ZBTB16: variants seen among roughly 807,000 people sequenced by gnomAD.
The protein encoded by ZBTB16 is zinc finger and BTB domain containing 16.
Under a neutral mutation model 56.8 loss-of-function variants are expected in ZBTB16, and 8 were observed. The ratio of observed to expected loss-of-function variants is 0.14; its 90% CI spans 0.08 to 0.25. The LOEUF (loss-of-function observed/expected upper bound fraction) is 0.25, where lower values mean the gene tolerates loss of function less well. Among genes scored for constraint, ZBTB16 ranks in the 10% least tolerant of loss-of-function variants. The probability of loss-of-function intolerance (pLI) is 1.00; values close to 1 mark genes in which losing one functional copy is unlikely to be tolerated. For missense variants in ZBTB16, 625 were observed against 903.0 expected (o/e 0.69, Z 3.95); for synonymous variants, 363 against 368.5 (o/e 0.98, Z 0.17).
intron 4 of ZBTB16, chr11:114,209,640 T>G: frequency 2.0e-6 from 2 of 985,396 alleles, no homozygotes; most frequent in Non-Finnish European, 2.4e-6. Flanking sequence ...GTGGTGACTA[T>G]TCCCCCAACC....
chr11:114,239,226 T>A (rs1288616904), intron 4 of ZBTB16, among the ~76,000 whole-genome samples: 4 of 152,214 alleles, frequency 2.6e-5, no homozygotes, highest in Non-Finnish European at 5.9e-5. Context: ...TGAGATGTCC[T>A]ATTGGGAATG....
At chr11:114,083,448 C>A (rs928268269) in intron 2 of ZBTB16, among the ~76,000 whole-genome samples, 10 of 152,180 alleles carry the variant, frequency 6.6e-5, no homozygotes, top group Admixed American at 2.0e-4. Context: ...ACTTGTCTCA[C>A]GTCCCAGTCG....
At chr11:114,235,638 C>CT (rs1372577614) in intron 4 of ZBTB16, among the ~76,000 whole-genome samples, 1 of 20,938 alleles carries the variant, frequency 4.8e-5, no homozygotes, top group Non-Finnish European at 1.5e-4. Context: ...TCCTTTCTTT[C>CT]TTTCTTTCTT....
chr11:114,242,256 G>T lies in ZBTB16; in HGVS notation c.1543G>T (p.Val515Leu). ...LQQHMEVHAG[V>L]RSYICSECNR... is the part of the protein sequence containing the mutation. ...GCAGCACATGGAGGTCCACGCGGGCGTGCGCAGCTACATCTGCAGTGAGTG... is the reference window on the plus strand; with the variant it reads ...GCAGCACATGGAGGTCCACGCGGGCTTGCGCAGCTACATCTGCAGTGAGTG... Residue 515 changes from valine (V) to leucine (L), a missense_variant, in exon 5 of 7, where the codon GTG becomes TTG. This residue lies in a region of ZBTB16 where 140 missense variants were observed against 214.8 expected (regional missense o/e 0.65). Coordinates refer to ENST00000335953, the MANE Select transcript of ZBTB16 (RefSeq NM_006006.6). 6.2e-7 allele frequency: 1 copy of T among 1,614,056 alleles called. No homozygotes were observed. Among genetic ancestry groups the T allele is most frequent in the East Asian group, 2.2e-5 (1 of 44,886 alleles).
In ZBTB16 at chr11:114,092,170, G is replaced by T. The variant is rs182933965; in HGVS notation, c.1268+27602G>T. ...ACGGCCTCACTGAAACAGGAGACCC[G>T]AGAGGCTCCGGTGAAAGGGCACTGT... On this transcript the variant is annotated intron_variant, in intron 2 of 6. Transcript: ENST00000335953. 2.6e-5 allele frequency among the ~76,000 whole-genome samples: 4 copies of T among 152,312 alleles called. No individual in the cohort carries two copies. In the East Asian group the frequency reaches 7.7e-4, roughly 29 times the overall value.
At chr11:114,062,259 G>A (rs984251981) in intron 1 of ZBTB16, among the ~76,000 whole-genome samples, 1 of 151,908 alleles carries the variant, frequency 6.6e-6, no homozygotes, top group Non-Finnish European at 1.5e-5. Flanking sequence ...GGGTGCCACC[G>A]CGCCTGGCTA....
At chr11:114,132,900 A>G (rs1444731347) in intron 2 of ZBTB16, among the ~76,000 whole-genome samples, 1 of 152,058 alleles carries the variant, frequency 6.6e-6, no homozygotes, top group Non-Finnish European at 1.5e-5. Context: ...TTTCTCTGAG[A>G]TAGAAGTGTA....
At chr11:114,140,943 G>A (rs10891630) in intron 2 of ZBTB16, among the ~76,000 whole-genome samples, 58,860 of 151,896 alleles carry the variant, frequency 0.39, 11,553 homozygotes, top group East Asian at 0.47. Flanking sequence ...TGAGCCTCCC[G>A]CGCCCAGCCA....
intron 3 of ZBTB16, among the ~76,000 whole-genome samples, chr11:114,183,643 T>C (rs544465258): frequency 3.9e-5 from 6 of 152,280 alleles, no homozygotes; most frequent in African/African-American, 1.4e-4. Context: ...TGAGAGCGGA[T>C]AGAACCCAAG....
At chr11:114,241,890 G>A (rs981648917) in intron 4 of ZBTB16, among the ~76,000 whole-genome samples, 4 of 152,020 alleles carry the variant, frequency 2.6e-5, no homozygotes, top group Admixed American at 6.6e-5. Flanking sequence ...CATACCACCC[G>A]ACACAGTTGC....
intron 4 of ZBTB16, among the ~76,000 whole-genome samples, chr11:114,192,468 AGT>A (rs2135077576): frequency 6.6e-6 from 1 of 152,336 alleles, no homozygotes; most frequent in Admixed American, 6.5e-5. Flanking sequence ...AGGGGACTAA[AGT>A]GGAAGAAGGA....
intron 2 of ZBTB16, among the ~76,000 whole-genome samples, chr11:114,090,354 A>T (rs939990461): frequency 6.6e-6 from 1 of 152,172 alleles, no homozygotes; most frequent in African/African-American, 2.4e-5. Flanking sequence ...TGGGGGAAGG[A>T]TGGAGGAAGA....
rs78019164 is a variant in ZBTB16 at position 114,087,137 on chromosome 11, G to A, written c.1268+22569G>A. On this transcript the variant is annotated intron_variant, in intron 2 of 6. Transcript: ENST00000335953. ...GAGTCTGTTTCATCATCTGCAAAATGCTGGTAGTTTCTCTTCTCACGGGAA... is the reference window on the plus strand; with the variant it reads ...GAGTCTGTTTCATCATCTGCAAAATACTGGTAGTTTCTCTTCTCACGGGAA... 2.6e-4 allele frequency among the ~76,000 whole-genome samples: 40 copies of A among 152,292 alleles called. No individual in the cohort carries two copies. In the East Asian group the frequency reaches 7.4e-3, roughly 28 times the overall value.
chr11:114,151,756 C>T (rs1430978885), intron 2 of ZBTB16, among the ~76,000 whole-genome samples: 4 of 152,184 alleles, frequency 2.6e-5, no homozygotes, highest in Non-Finnish European at 2.9e-5. Context: ...GTGAGTTCTT[C>T]GCATAGCCTT....
At position 114,230,496 on chromosome 11, in the gene ZBTB16, G is replaced by T. The variant is rs997331905; in HGVS notation, c.1454-11671G>T. On this transcript the variant is annotated intron_variant, in intron 4 of 6. Coordinates refer to ENST00000335953, the MANE Select transcript of ZBTB16 (RefSeq NM_006006.6). Reference sequence around the variant, plus strand: ...GTGTGCCGTACAGTACGGGAAGGCCGCATGGTGTCTCTGATATTGATAGCC... The same window carrying T: ...GTGTGCCGTACAGTACGGGAAGGCCTCATGGTGTCTCTGATATTGATAGCC... 5.3e-5 allele frequency among the ~76,000 whole-genome samples: 8 copies of T among 152,146 alleles called. No individual in the cohort carries two copies. In the South Asian group the frequency reaches 8.3e-4, roughly 16 times the overall value.
chr11:114,159,128 C>T (rs190137754), intron 3 of ZBTB16, among the ~76,000 whole-genome samples: 59 of 152,286 alleles, frequency 3.9e-4, no homozygotes, highest in African/African-American at 1.4e-3. Flanking sequence ...TCAGGTGGGC[C>T]CGGTGTCCCC....
At chr11:114,099,572 C>T (rs1353863355) in intron 2 of ZBTB16, among the ~76,000 whole-genome samples, 1 of 152,068 alleles carries the variant, frequency 6.6e-6, no homozygotes, top group Non-Finnish European at 1.5e-5. Context: ...ACTGTAGTCT[C>T]AAGGCTTAGC....
chr11:114,177,269 C>T (rs915430304), intron 3 of ZBTB16, among the ~76,000 whole-genome samples: 2 of 152,184 alleles, frequency 1.3e-5, no homozygotes, highest in Non-Finnish European at 2.9e-5. Flanking sequence ...AAAGCCGTCT[C>T]TGGATTTGAG....
At chr11:114,181,935 C>T (rs894873401) in intron 3 of ZBTB16, among the ~76,000 whole-genome samples, 8 of 152,226 alleles carry the variant, frequency 5.3e-5, no homozygotes, top group Non-Finnish European at 7.3e-5. Flanking sequence ...GGTGTTCTCA[C>T]GTGGTGGCCT....
Sources: allele counts gnomAD v4.1 joint callset (sites outside exome capture counted in the v4.1 genomes callset), GRCh38; gene constraint gnomAD v4.1.1; regional missense constraint gnomAD v4.1.1; transcripts MANE v1.5; gene names NCBI Gene and HGNC (gene_info 2026-07-23, HGNC 2026-07-21).